The following HCRTR2 variants were observed in gnomAD, a reference collection of about 807,000 sequenced individuals.
HCRTR2 encodes the protein orexin receptor type 2.
HCRTR2 carries 22 observed loss-of-function variants against 49.0 expected under a neutral mutation model. The ratio of observed to expected loss-of-function variants is 0.45; its 90% confidence interval spans 0.32 to 0.64. HCRTR2 has a LOEUF of 0.64. HCRTR2 is among the 30% of genes least tolerant of loss of function. The probability of loss-of-function intolerance (pLI) is 0.04; values close to 1 mark genes in which losing one functional copy is unlikely to be tolerated. For synonymous variants in HCRTR2, 236 were observed against 205.3 expected (o/e 1.15, Z -1.28); for missense variants, 491 against 559.4 (o/e 0.88, Z 1.23).
chr6:55,120,100 T>C (rs1184049741), intron 1 of HCRTR2, among the ~76,000 whole-genome samples: 2 of 152,186 alleles, frequency 1.3e-5, no homozygotes, highest in Non-Finnish European at 2.9e-5. Flanking sequence ...GTGTTATTTC[T>C]GAGGCCTCTA....
At chr6:55,161,304 T>A (rs184050314) in intron 1 of HCRTR2, among the ~76,000 whole-genome samples, 7 of 152,052 alleles carry the variant, frequency 4.6e-5, no homozygotes, top group Non-Finnish European at 8.8e-5. Flanking sequence ...AGACACAACA[T>A]ACCAGAATCT....
intron 1 of HCRTR2, among the ~76,000 whole-genome samples, chr6:55,164,896 A>T (rs1581802724): frequency 6.6e-6 from 1 of 152,324 alleles, no homozygotes; most frequent in South Asian, 2.1e-4. Flanking sequence ...AGCTGTTGTG[A>T]GGAAATTCAA....
intron 1 of HCRTR2, among the ~76,000 whole-genome samples, chr6:55,154,764 A>C (rs2127259569): frequency 6.6e-6 from 1 of 151,678 alleles, no homozygotes; most frequent in East Asian, 1.9e-4. Context: ...AAGAAGTGAA[A>C]TTACCTCTGT....
chr6:55,252,014 T>A (rs1766560140), intron 2 of HCRTR2, among the ~76,000 whole-genome samples: 1 of 152,036 alleles, frequency 6.6e-6, no homozygotes, highest in African/African-American at 2.4e-5. Flanking sequence ...ACAACAAAAC[T>A]TTCACTTATA....
intron 1 of HCRTR2, among the ~76,000 whole-genome samples, chr6:55,227,658 A>T (rs1766035459): frequency 6.6e-6 from 1 of 152,190 alleles, no homozygotes; most frequent in Non-Finnish European, 1.5e-5. Context: ...GAGAACAGCT[A>T]CTATATGATA....
chr6:55,281,905 A>G (rs9464218), intron 6 of HCRTR2, among the ~76,000 whole-genome samples: 2,283 of 152,278 alleles, frequency 0.015, 58 homozygotes, highest in African/African-American at 0.051. Flanking sequence ...TCTTCTACTG[A>G]TGATCACTTC....
intron 1 of HCRTR2, among the ~76,000 whole-genome samples, chr6:55,149,872 G>A (rs1001712530): frequency 1.2e-4 from 19 of 152,052 alleles, no homozygotes; most frequent in Admixed American, 9.8e-4. Context: ...AAATCATTTA[G>A]AATGTTTGAT....
intron 3 of HCRTR2, among the ~76,000 whole-genome samples, chr6:55,260,392 C>T (rs1766732138): frequency 6.6e-6 from 1 of 152,180 alleles, no homozygotes; most frequent in South Asian, 2.1e-4. Flanking sequence ...CCGCCATATG[C>T]TGTGTAGGCT....
intron 1 of HCRTR2, among the ~76,000 whole-genome samples, chr6:55,107,914 T>A: frequency 6.6e-6 from 1 of 152,132 alleles, no homozygotes; most frequent in Non-Finnish European, 1.5e-5. Flanking sequence ...CTTCATAATT[T>A]TGTGCATATT....
Position 55,192,413 on chromosome 6 carries a change from G to GTGCACACA in HCRTR2, c.223+17603_223+17604insTGCACACA, listed in dbSNP as rs1554171108. Among the ~76,000 whole-genome samples the GTGCACACA allele has an allele frequency of 2.8e-3, 355 of 128,518 alleles. 1 individual carries two copies. Among genetic ancestry groups the GTGCACACA allele is most frequent in the African/African-American group, 9.6e-3 (336 of 34,970 alleles). The allele number at this position is 128,518 out of a possible 152,430, so 84.3% of individuals were successfully genotyped here. A position where few individuals can be genotyped will look rare whatever the true frequency, so the allele number is the denominator to read the frequency against. On this transcript the variant is annotated intron_variant, in intron 1 of 6. Transcript: ENST00000370862. ...TAAACACACACACACGCGCGCGCGC[G>GTGCACACA]CACACACACACACACACACACACAC...
intron 1 of HCRTR2, among the ~76,000 whole-genome samples, chr6:55,247,341 ATC>A (rs1766465286): frequency 6.6e-6 from 1 of 152,150 alleles, no homozygotes; most frequent in Non-Finnish European, 1.5e-5. Context: ...TTAAATTGAC[ATC>A]TGTTGGTAGC....
chr6:55,231,159 G>A (rs1766107273), intron 1 of HCRTR2, among the ~76,000 whole-genome samples: 1 of 151,730 alleles, frequency 6.6e-6, no homozygotes, highest in East Asian at 1.9e-4. Flanking sequence ...TCAGTCATGA[G>A]GTAAAAAAAT....
At chr6:55,179,349 G>A (rs950303137) in intron 1 of HCRTR2, among the ~76,000 whole-genome samples, 4 of 152,054 alleles carry the variant, frequency 2.6e-5, no homozygotes, top group African/African-American at 7.2e-5. Flanking sequence ...GACTGTAAAA[G>A]GTAATATTAA....
chr6:55,206,671 C>A (rs1319572318), intron 1 of HCRTR2, among the ~76,000 whole-genome samples: 2 of 151,690 alleles, frequency 1.3e-5, no homozygotes. Flanking sequence ...CTCATTGTAA[C>A]TAGATCAAAA....
rs756893338 is a variant in HCRTR2 at position 55,255,348 on chromosome 6, C to T, written c.615C>T (p.Thr205=). The change falls in exon 3 of 7, where the codon ACC becomes ACT. Residue 205 remains threonine (T), a synonymous_variant. Coordinates refer to ENST00000370862, the MANE Select transcript of HCRTR2 (RefSeq NM_001384272.1). ...TCCCAGGCTTAGCCAATAAAACCAC[C>T]CTCTTTACGGTGTGTGATGAGCGCT... ...TVFPGLANKT[T]LFTVCDERWG... 2.5e-6 allele frequency: 4 copies of T among 1,613,982 alleles called. No homozygotes were observed. The highest frequency in any genetic ancestry group is 1.1e-5 in the South Asian group (1 of 91,072).
intron 3 of HCRTR2, 141 bp downstream of exon 3, chr6:55,255,520 C>A: frequency 1.1e-6 from 1 of 927,360 alleles, no homozygotes; most frequent in Non-Finnish European, 1.7e-6. Context: ...TGAAAACCAA[C>A]TTGAATTTCA....
At chr6:55,245,400 C>T (rs780996245) in intron 1 of HCRTR2, among the ~76,000 whole-genome samples, 190 of 127,636 alleles carry the variant, frequency 1.5e-3, no homozygotes, top group African/African-American at 4.5e-3. Context: ...TATATATATA[C>T]ACACACACAC....
chr6:55,274,072 GA>G (rs200573826), intron 4 of HCRTR2, among the ~76,000 whole-genome samples: 1 of 151,066 alleles, frequency 6.6e-6, no homozygotes. Flanking sequence ...TTCATTTCCA[GA>G]AAAAAGACTG....
At chr6:55,201,035 A>G (rs1423855837) in intron 1 of HCRTR2, among the ~76,000 whole-genome samples, 2 of 152,068 alleles carry the variant, frequency 1.3e-5, no homozygotes, top group African/African-American at 2.4e-5. Context: ...TATTGCATAC[A>G]TTCATGGGTA....
Sources: allele counts gnomAD v4.1 joint callset (sites outside exome capture counted in the v4.1 genomes callset), GRCh38; gene constraint gnomAD v4.1.1; transcripts MANE v1.5; gene names NCBI Gene and HGNC (gene_info 2026-07-23, HGNC 2026-07-21).